KCNH8: variants seen among roughly 807,000 people sequenced by gnomAD.
The protein encoded by KCNH8 is potassium voltage-gated channel subfamily H member 8.
Under a neutral mutation model 103.6 loss-of-function variants are expected in KCNH8, and 70 were observed. The ratio of observed to expected loss-of-function variants is 0.68; its 90% CI spans 0.56 to 0.82. The LOEUF is 0.82. Ranked by LOEUF, KCNH8 falls within the 40% of genes least tolerant of loss-of-function variation. The pLI is 0.00. For missense variants in KCNH8, 1,217 were observed against 1,329.9 expected (o/e 0.92, Z 1.32); for synonymous variants, 498 against 489.4 (o/e 1.02, Z -0.23).
At chr3:19,232,439 A>G (rs974478421) in intron 1 of KCNH8, among the ~76,000 whole-genome samples, 6 of 152,226 alleles carry the variant, frequency 3.9e-5, no homozygotes, top group Non-Finnish European at 7.3e-5. Flanking sequence ...TGCACGTGTT[A>G]TGAAACTTCA....
At chr3:19,156,371 G>A (rs1394856689) in intron 1 of KCNH8, among the ~76,000 whole-genome samples, 5 of 152,164 alleles carry the variant, frequency 3.3e-5, no homozygotes, top group Non-Finnish European at 7.4e-5. Flanking sequence ...TGCTTGTATA[G>A]CAAGTGTAAA....
At chr3:19,213,053 T>C (rs998469827) in intron 1 of KCNH8, among the ~76,000 whole-genome samples, 1 of 152,202 alleles carries the variant, frequency 6.6e-6, no homozygotes, top group Non-Finnish European at 1.5e-5. Flanking sequence ...AATTATCTTC[T>C]ATATTGATGG....
At chr3:19,325,682 T>G (rs1365565678) in intron 3 of KCNH8, among the ~76,000 whole-genome samples, 1 of 152,152 alleles carries the variant, frequency 6.6e-6, no homozygotes, top group Non-Finnish European at 1.5e-5. Context: ...TGTCAAAAAG[T>G]AACAGATGTT....
chr3:19,463,620 A>G (rs1246564740), intron 11 of KCNH8, among the ~76,000 whole-genome samples: 1 of 152,194 alleles, frequency 6.6e-6, no homozygotes, highest in African/African-American at 2.4e-5. Flanking sequence ...ATAAAAGTGT[A>G]TAGGAACTTA....
At chr3:19,380,297 T>G in intron 5 of KCNH8, among the ~76,000 whole-genome samples, 1 of 152,206 alleles carries the variant, frequency 6.6e-6, no homozygotes, top group East Asian at 1.9e-4. Flanking sequence ...AACTTCACAT[T>G]TTTGGAGATT....
rs369713378 is a variant in KCNH8 at position 19,306,968 on chromosome 3, G to A, written c.442+25639G>A. On this transcript the variant is annotated intron_variant, in intron 3 of 15. Transcript: ENST00000328405. Reference sequence around the variant, plus strand: ...CAGTATTACACTAGCAGACCTCAAAGTATACTAAAAAGCTATAGTAACCAC... The same window carrying A: ...CAGTATTACACTAGCAGACCTCAAAATATACTAAAAAGCTATAGTAACCAC... 8.6e-5 allele frequency among the ~76,000 whole-genome samples: 13 copies of A among 151,930 alleles called. 1 individual carries two copies. The highest frequency in any genetic ancestry group is 4.6e-4 in the Admixed American group (7 of 15,230).
chr3:19,525,392 A>C (rs1344732678), intron 15 of KCNH8, among the ~76,000 whole-genome samples: 1 of 151,808 alleles, frequency 6.6e-6, no homozygotes, highest in Non-Finnish European at 1.5e-5. Context: ...ATTCCTATAC[A>C]CATTAAAGTT....
At chr3:19,393,443 A>G (rs2066468778) in intron 6 of KCNH8, among the ~76,000 whole-genome samples, 2 of 152,046 alleles carry the variant, frequency 1.3e-5, no homozygotes, top group Non-Finnish European at 2.9e-5. Flanking sequence ...GCAGCTCTAC[A>G]TTCTTTGCTC....
intron 1 of KCNH8, among the ~76,000 whole-genome samples, chr3:19,182,538 AAAG>A (rs2063464329): frequency 6.6e-6 from 1 of 152,206 alleles, no homozygotes; most frequent in Non-Finnish European, 1.5e-5. Context: ...CCCCCCAAGA[AAAG>A]AAGAGGCTTA....
At chr3:19,441,885 C>G (rs1477757513) in intron 8 of KCNH8, among the ~76,000 whole-genome samples, 1 of 152,136 alleles carries the variant, frequency 6.6e-6, no homozygotes, top group African/African-American at 2.4e-5. Context: ...ACAGTGAAAT[C>G]AAAGAAGTAT....
chr3:19,488,991 T>G (rs1214062725), intron 11 of KCNH8, among the ~76,000 whole-genome samples: 1 of 151,858 alleles, frequency 6.6e-6, no homozygotes, highest in Non-Finnish European at 1.5e-5. Flanking sequence ...TCAGCAGAGG[T>G]GAAAGGTTGA....
rs57523893 is a variant in KCNH8 at position 19,403,361 on chromosome 3, A to AATATATATATATATAT, written c.1177+8074_1177+8089dup. ...CCCCCCATGAAATACATATGTAAAG[A>AATATATATATATATAT]ATATATATATATATATATATATATA... is the stretch of plus-strand genomic sequence containing the variant. On this transcript the variant is annotated intron_variant, in intron 7 of 15. Coordinates refer to ENST00000328405, the MANE Select transcript of KCNH8 (RefSeq NM_144633.3). Among the ~76,000 whole-genome samples the AATATATATATATATAT allele has an allele frequency of 2.4e-3, 295 of 124,526 alleles. 2 individuals carry two copies. Among genetic ancestry groups the AATATATATATATATAT allele is most frequent in the Non-Finnish European group, 3.3e-3 (185 of 56,352 alleles). The allele number at this position is 124,526 out of a possible 152,430, so 81.7% of individuals were successfully genotyped here. A position where few individuals can be genotyped will look rare whatever the true frequency, so the allele number is the denominator to read the frequency against.
At chr3:19,170,937 G>A (rs901382438) in intron 1 of KCNH8, among the ~76,000 whole-genome samples, 1 of 150,670 alleles carries the variant, frequency 6.6e-6, no homozygotes, top group Non-Finnish European at 1.5e-5. Context: ...TCAGCCTCCC[G>A]AGCAGCTGGG....
At chr3:19,376,620 T>C (rs1410077365) in intron 5 of KCNH8, among the ~76,000 whole-genome samples, 3 of 152,238 alleles carry the variant, frequency 2.0e-5, no homozygotes, top group Non-Finnish European at 4.4e-5. Flanking sequence ...TCTTGGCTCC[T>C]CTCCCTGTAT....
intron 11 of KCNH8, among the ~76,000 whole-genome samples, chr3:19,466,075 C>G (rs957729815): frequency 3.3e-5 from 5 of 152,026 alleles, no homozygotes; most frequent in African/African-American, 1.2e-4. Context: ...CGGGCATGCA[C>G]CACCACACCC....
chr3:19,494,888 A>G (rs1018077296), intron 11 of KCNH8, among the ~76,000 whole-genome samples: 17 of 152,136 alleles, frequency 1.1e-4, no homozygotes, highest in Admixed American at 1.1e-3. Context: ...AATAATGGCC[A>G]TTCTGACTGC....
intron 11 of KCNH8, among the ~76,000 whole-genome samples, chr3:19,493,859 C>A (rs1478592777): frequency 2.0e-5 from 3 of 149,852 alleles, no homozygotes; most frequent in Non-Finnish European, 4.5e-5. Context: ...TTTATTATAA[C>A]TTTTATTTTA....
In KCNH8 at chr3:19,317,419, A is replaced by G. The variant is rs372968478; in HGVS notation, c.443-25168A>G. On this transcript the variant is annotated intron_variant, in intron 3 of 15. Coordinates refer to ENST00000328405, the MANE Select transcript of KCNH8 (RefSeq NM_144633.3). ...ACCAATACTTTTCTTTCAGACCTGCATGATAAAGACAAAGAGAAAATGCTT... is the reference window on the plus strand; with the variant it reads ...ACCAATACTTTTCTTTCAGACCTGCGTGATAAAGACAAAGAGAAAATGCTT... Among the ~76,000 whole-genome samples the G allele has an allele frequency of 2.6e-5, 4 of 152,016 alleles. No individual in the cohort carries two copies. In the South Asian group the frequency reaches 6.2e-4, roughly 24 times the overall value.
chr3:19,376,023 A>C (rs1389995934), intron 5 of KCNH8, among the ~76,000 whole-genome samples: 2 of 152,212 alleles, frequency 1.3e-5, no homozygotes, highest in East Asian at 3.9e-4. Context: ...AGGGACATTT[A>C]AGTCTGCAGA....
Sources: allele counts gnomAD v4.1 joint callset (sites outside exome capture counted in the v4.1 genomes callset), GRCh38; gene constraint gnomAD v4.1.1; transcripts MANE v1.5; gene names NCBI Gene and HGNC (gene_info 2026-07-23, HGNC 2026-07-21).